The following INPP4B variants were observed in gnomAD, a reference collection of about 807,000 sequenced individuals.
INPP4B encodes the protein inositol polyphosphate-4-phosphatase type II B.
INPP4B carries 55 observed loss-of-function variants against 122.5 expected under a neutral mutation model. The ratio of observed to expected loss-of-function variants is 0.45; its 90% CI spans 0.36 to 0.56. The LOEUF is 0.56. INPP4B is among the 20% of genes least tolerant of loss of function. The pLI, the probability that INPP4B is intolerant of heterozygous loss-of-function variation, is 0.00. For missense variants in INPP4B, 1,000 were observed against 1,097.7 expected (o/e 0.91, Z 1.26); for synonymous variants, 403 against 388.7 (o/e 1.04, Z -0.43).
chr4:142,228,830 A>G lies in INPP4B; in HGVS notation c.836+9034T>C, dbSNP rs949734943. Among the ~76,000 whole-genome samples, 4 of 151,786 alleles carry G rather than the reference A, an allele frequency of 2.6e-5. No individual in the cohort carries two copies. In the South Asian group the frequency reaches 8.3e-4, roughly 31 times the overall value. ...CTTGTAAGTCAAAAGGAAAAATAGG[A>G]ATATCCCAGTTTCCACATAAGCATT... On this transcript the variant is annotated intron_variant, in intron 12 of 25. Coordinates refer to ENST00000262992, the MANE Select transcript of INPP4B (RefSeq NM_001101669.3).
At chr4:142,666,386 T>A (rs116676600) in intron 2 of INPP4B, among the ~76,000 whole-genome samples, 3,160 of 152,014 alleles carry the variant, frequency 0.021, 108 homozygotes, top group African/African-American at 0.071. Flanking sequence ...AAAAAAGAGT[T>A]TAGAGGTAAA....
chr4:142,267,355 TA>T (rs1743315738), intron 10 of INPP4B, among the ~76,000 whole-genome samples: 1 of 152,128 alleles, frequency 6.6e-6, no homozygotes, highest in African/African-American at 2.4e-5. Flanking sequence ...GTTACTGGCA[TA>T]AAAACAGACA....
intron 2 of INPP4B, among the ~76,000 whole-genome samples, chr4:142,569,152 A>G (rs138878481): frequency 4.3e-4 from 65 of 152,266 alleles, no homozygotes; most frequent in African/African-American, 1.4e-3. Context: ...TCTGCCTTAC[A>G]AAAAAGTAGA....
At chr4:142,223,215 C>A (rs1457353480) in intron 12 of INPP4B, among the ~76,000 whole-genome samples, 1 of 151,880 alleles carries the variant, frequency 6.6e-6, no homozygotes, top group Admixed American at 6.6e-5. Flanking sequence ...CACACACACA[C>A]TCACACACAC....
intron 2 of INPP4B, among the ~76,000 whole-genome samples, chr4:142,517,386 G>T (rs993425246): frequency 4.6e-5 from 7 of 152,048 alleles, no homozygotes; most frequent in Non-Finnish European, 1.0e-4. Context: ...TTCAGGTGTT[G>T]TAAATCAGAC....
chr4:142,072,618 A>C (rs1214476195), intron 25 of INPP4B, among the ~76,000 whole-genome samples: 2 of 151,052 alleles, frequency 1.3e-5, no homozygotes, highest in Non-Finnish European at 2.9e-5. Context: ...AAACAATGTG[A>C]TAGGAAGCTG....
intron 2 of INPP4B, among the ~76,000 whole-genome samples, chr4:142,676,810 C>G (rs547274061): frequency 2.1e-4 from 32 of 152,162 alleles, no homozygotes; most frequent in African/African-American, 7.5e-4. Context: ...GAAACTGGAA[C>G]CCTTTCTTAC....
intron 1 of INPP4B, among the ~76,000 whole-genome samples, chr4:142,829,837 GA>G (rs199506841): frequency 1.2e-4 from 19 of 152,058 alleles, no homozygotes; most frequent in African/African-American, 4.1e-4. Flanking sequence ...CAAAGTTACA[GA>G]AAAAAACTAA....
At chr4:142,156,399 C>T (rs1817230086) in intron 17 of INPP4B, among the ~76,000 whole-genome samples, 1 of 152,070 alleles carries the variant, frequency 6.6e-6, no homozygotes, top group Non-Finnish European at 1.5e-5. Flanking sequence ...TTTGGACAAA[C>T]TAATCTTGGA....
At chr4:142,430,547 A>G (rs575651185) in intron 4 of INPP4B, among the ~76,000 whole-genome samples, 9 of 152,236 alleles carry the variant, frequency 5.9e-5, no homozygotes, top group African/African-American at 2.2e-4. Context: ...CATGCTAAAC[A>G]ATAAAACCCA....
chr4:142,659,266 C>T (rs562136223), intron 2 of INPP4B, among the ~76,000 whole-genome samples: 10 of 151,466 alleles, frequency 6.6e-5, no homozygotes, highest in South Asian at 2.1e-4. Context: ...ATTAGCCAGG[C>T]GTGGTGGCAG....
intron 2 of INPP4B, among the ~76,000 whole-genome samples, chr4:142,623,639 A>C (rs1745496472): frequency 6.6e-6 from 1 of 151,860 alleles, no homozygotes. Flanking sequence ...ACATATGTAT[A>C]CATGTGCCAT....
At chr4:142,190,621 G>A (rs1323163221) in intron 15 of INPP4B, among the ~76,000 whole-genome samples, 1 of 151,878 alleles carries the variant, frequency 6.6e-6, no homozygotes, top group Non-Finnish European at 1.5e-5. Flanking sequence ...TATCCATAAA[G>A]CAATGAAACA....
intron 17 of INPP4B, among the ~76,000 whole-genome samples, chr4:142,159,493 C>A (rs1187853779): frequency 6.6e-6 from 1 of 151,758 alleles, no homozygotes; most frequent in African/African-American, 2.4e-5. Flanking sequence ...GAGGCCTGTG[C>A]CTTTCAAGTA....
chr4:142,640,270 A>G (rs1262827637), intron 2 of INPP4B, among the ~76,000 whole-genome samples: 3 of 152,212 alleles, frequency 2.0e-5, no homozygotes, highest in Non-Finnish European at 4.4e-5. Flanking sequence ...GGACAAGGTA[A>G]GATGACTTGC....
intron 16 of INPP4B, among the ~76,000 whole-genome samples, chr4:142,161,249 C>T (rs538873086): frequency 3.3e-5 from 5 of 152,046 alleles, no homozygotes; most frequent in Admixed American, 2.0e-4. Context: ...GTGGCAAATA[C>T]CTAGTACGTA....
At chr4:142,616,092 G>T (rs1308371409) in intron 2 of INPP4B, among the ~76,000 whole-genome samples, 1 of 152,018 alleles carries the variant, frequency 6.6e-6, no homozygotes, top group Admixed American at 6.6e-5. Flanking sequence ...GATGGACAAG[G>T]TGAGGGGCAG....
intron 9 of INPP4B, among the ~76,000 whole-genome samples, chr4:142,295,831 G>A (rs751954404): frequency 8.6e-5 from 13 of 151,610 alleles, no homozygotes; most frequent in Middle Eastern, 3.2e-3. Context: ...TAACCAAAGG[G>A]ATACCGGTTT....
intron 9 of INPP4B, among the ~76,000 whole-genome samples, chr4:142,295,332 T>C (rs1758213099): frequency 6.6e-6 from 1 of 152,156 alleles, no homozygotes; most frequent in Non-Finnish European, 1.5e-5. Flanking sequence ...GGTCTGTCAA[T>C]GACTGTGGAT....
Sources: gnomAD v4.1 joint callset for allele counts (sites outside exome capture counted in the v4.1 genomes callset) on GRCh38, gnomAD v4.1.1 for gene constraint, MANE v1.5 for transcripts, NCBI Gene and HGNC (gene_info 2026-07-23, HGNC 2026-07-21) for gene names.